GTF2I: variants seen among roughly 807,000 people sequenced by gnomAD.
GTF2I encodes general transcription factor IIi.
GTF2I carries 12 observed loss-of-function variants against 67.6 expected under a neutral mutation model. The ratio of observed to expected loss-of-function variants is 0.18; its 90% CI spans 0.11 to 0.29. GTF2I has a LOEUF of 0.29. Ranked by LOEUF, GTF2I falls within the 10% of genes least tolerant of loss-of-function variation. The pLI is 1.00. For synonymous variants in GTF2I, 149 were observed against 197.0 expected (o/e 0.76, Z 2.04); for missense variants, 271 against 580.1 (o/e 0.47, Z 5.47).
At chr7:74,700,116 TATTA>T in intron 4 of GTF2I, 127 bp from the exon 5 acceptor site, 2 of 906,370 alleles carry the variant, frequency 2.2e-6, no homozygotes, top group Non-Finnish European at 3.3e-6. Context: ...AATGCTGTAG[TATTA>T]ATTAATTTTG....
chr7:74,710,915 T>A, intron 8 of GTF2I, 117 bp from the exon 9 acceptor site: 1 of 559,942 alleles, frequency 1.8e-6, no homozygotes, highest in Non-Finnish European at 3.2e-6. Context: ...AGACGTAAAG[T>A]CTTTACTTAA....
intron 11 of GTF2I, chr7:74,717,170 G>T: frequency 2.3e-6 from 1 of 437,786 alleles, no homozygotes; most frequent in South Asian, 6.5e-5. Flanking sequence ...AAACTAAGTG[G>T]TAAGTAAAGC....
intron 1 of GTF2I, among the ~76,000 whole-genome samples, chr7:74,687,949 T>C (rs1787885189): frequency 6.6e-6 from 1 of 152,242 alleles, no homozygotes; most frequent in Admixed American, 6.5e-5. Context: ...CAATTTTTAA[T>C]AGGCATCTAA....
chr7:74,693,824 G>A (rs587747017), intron 3 of GTF2I, among the ~76,000 whole-genome samples: 27 of 151,942 alleles, frequency 1.8e-4, no homozygotes, highest in African/African-American at 6.5e-4. Context: ...CCAGCCTGGC[G>A]AAAGAGCAAG....
intron 8 of GTF2I, among the ~76,000 whole-genome samples, chr7:74,708,162 G>A (rs1244038771): frequency 2.0e-5 from 3 of 152,104 alleles, no homozygotes; most frequent in African/African-American, 7.2e-5. Flanking sequence ...AATTAGCAGG[G>A]CATGGTGGTG....
intron 12 of GTF2I, chr7:74,727,583 T>C (rs1325697119): frequency 1.3e-5 from 2 of 152,238 alleles, no homozygotes. Context: ...ACTTGAGTGA[T>C]CTTTTTTCTA....
chr7:74,659,221 CTTAA>C (rs1804247784), intron 1 of GTF2I, among the ~76,000 whole-genome samples: 1 of 151,534 alleles, frequency 6.6e-6, no homozygotes, highest in African/African-American at 2.4e-5. Context: ...TCGCTTTCGG[CTTAA>C]TTTTCTTTTT....
At chr7:74,734,541 G>C (rs1584318626) in intron 16 of GTF2I, among the ~76,000 whole-genome samples, 1 of 152,020 alleles carries the variant, frequency 6.6e-6, no homozygotes, top group African/African-American at 2.4e-5. Flanking sequence ...TCCTGCCTCA[G>C]CCTCCCTGTA....
Position 74,710,908 on chromosome 7 carries a change from C to T in GTF2I, c.686-124C>T, listed in dbSNP as rs1025445299. The T allele has an allele frequency of 5.8e-5, 31 of 538,934 alleles. No individual in the cohort carries two copies. In the East Asian group the frequency reaches 9.3e-4, roughly 16 times the overall value. The allele number at this position is 538,934 out of a possible 1,614,324, so 33.4% of individuals were successfully genotyped here. A position where few individuals can be genotyped will look rare whatever the true frequency, so the allele number is the denominator to read the frequency against. ...TAGCAAACTTTTGTCTTTTCAAAGA[C>T]GTAAAGTCTTTACTTAAAATAAATA... On this transcript the variant is annotated intron_variant, in intron 8 of 34. Transcript: ENST00000573035.
intron 1 of GTF2I, among the ~76,000 whole-genome samples, chr7:74,683,427 A>T (rs1435354874): frequency 6.6e-6 from 1 of 152,210 alleles, no homozygotes; most frequent in Non-Finnish European, 1.5e-5. Context: ...TTCAAGAAAA[A>T]TTTTTTAGCA....
rs1554384448 is a variant in GTF2I at position 74,658,020 on chromosome 7, C to T, written c.-54C>T. 1.3e-5 allele frequency: 2 copies of T among 151,704 alleles called. No homozygotes were observed. Among genetic ancestry groups the T allele is most frequent in the African/African-American group, 4.8e-5 (2 of 41,344 alleles). 9.4% of individuals were successfully genotyped at this position (151,704 alleles called of 1,614,324 possible). ...GCCCGCGCGCGGCCCACACTCGCCT[C>T]CCCTCGGCACCCCCGGCCCCGGAGC... On this transcript the variant is annotated 5_prime_UTR_variant, in exon 1 of 35. Coordinates refer to ENST00000573035, the MANE Select transcript of GTF2I (RefSeq NM_032999.4).
Position 74,727,007 on chromosome 7 carries a change from T to A in GTF2I, c.944-1779T>A, listed in dbSNP as rs367629141. Reference sequence around the variant, plus strand: ...TCAAATTTTTTCCTAGATTTGAACATGTTTTTCTAAAGTAGCATTCAACAC... The same window carrying A: ...TCAAATTTTTTCCTAGATTTGAACAAGTTTTTCTAAAGTAGCATTCAACAC... On this transcript the variant is annotated intron_variant, in intron 12 of 34. Coordinates refer to ENST00000573035, the MANE Select transcript of GTF2I (RefSeq NM_032999.4). The A allele has an allele frequency of 3.3e-5, 5 of 152,336 alleles. No individual in the cohort carries two copies. The East Asian group carries it at 7.7e-4, about 23-fold the overall frequency. 9.4% of individuals were successfully genotyped at this position (152,336 alleles called of 1,614,324 possible). A position where few individuals can be genotyped will look rare whatever the true frequency, so the allele number is the denominator to read the frequency against.
At chr7:74,691,447 C>G (rs587619584) in intron 3 of GTF2I, among the ~76,000 whole-genome samples, 29 of 152,344 alleles carry the variant, frequency 1.9e-4, no homozygotes, top group Middle Eastern at 3.4e-3. Context: ...CTCAGGTGAT[C>G]TGCCCACCTT....
At chr7:74,658,867 G>A (rs1804202775) in intron 1 of GTF2I, among the ~76,000 whole-genome samples, 1 of 152,146 alleles carries the variant, frequency 6.6e-6, no homozygotes, top group African/African-American at 2.4e-5. Context: ...GAGTGCAGAG[G>A]AAGAAGGAAA....
At chr7:74,673,067 A>G (rs958976522) in intron 1 of GTF2I, among the ~76,000 whole-genome samples, 3 of 152,080 alleles carry the variant, frequency 2.0e-5, no homozygotes, top group Admixed American at 6.6e-5. Flanking sequence ...TCACCGTGTT[A>G]GCCAGGATGG....
intron 1 of GTF2I, among the ~76,000 whole-genome samples, chr7:74,685,162 G>A (rs1554395123): frequency 6.6e-6 from 1 of 152,208 alleles, no homozygotes; most frequent in African/African-American, 2.4e-5. Flanking sequence ...TCTGTGGAAA[G>A]CAACCAATCA....
intron 12 of GTF2I, among the ~76,000 whole-genome samples, chr7:74,724,336 TATG>T (rs1394645685): frequency 1.3e-5 from 2 of 152,204 alleles, no homozygotes; most frequent in African/African-American, 4.8e-5. Flanking sequence ...TGTCAGATTG[TATG>T]ATAACACATT....
intron 6 of GTF2I, among the ~76,000 whole-genome samples, chr7:74,704,268 T>TTTATTTATTTA (rs1562962667): frequency 5.8e-4 from 83 of 144,340 alleles, no homozygotes; most frequent in South Asian, 1.1e-3. Flanking sequence ...TAATTATTAT[T>TTTATTTATTTA]TTTATTTATT....
At chr7:74,703,450 G>C (rs1271949478) in intron 6 of GTF2I, among the ~76,000 whole-genome samples, 3 of 142,032 alleles carry the variant, frequency 2.1e-5, no homozygotes, top group South Asian at 2.1e-4. Context: ...CATGATCTCA[G>C]CTCACTGCAA....
Sources: allele counts gnomAD v4.1 joint callset (sites outside exome capture counted in the v4.1 genomes callset), GRCh38; gene constraint gnomAD v4.1.1; transcripts MANE v1.5; gene names NCBI Gene and HGNC (gene_info 2026-07-23, HGNC 2026-07-21).